BASP1: variants seen among roughly 807,000 people sequenced by gnomAD.
The protein encoded by BASP1 is brain acid soluble protein 1.
BASP1 carries 1 observed loss-of-function variant against 2.2 expected under a neutral mutation model. The observed-to-expected ratio is 0.46, with a 90% confidence interval of 0.16 to 2.17. The LOEUF (loss-of-function observed/expected upper bound fraction) is 2.17, where lower values mean the gene tolerates loss of function less well. Ranked by LOEUF, BASP1 falls within the 30% of genes most tolerant of loss-of-function variation. The pLI is 0.27. For synonymous variants in BASP1, 187 were observed against 154.2 expected, an observed-to-expected ratio of 1.21 and a Z score of -1.58; for missense variants, 352 against 327.2, an observed-to-expected ratio of 1.08 and a Z score of -0.58.
At chr5:17,267,660 A>G (rs549681914) in intron 1 of BASP1, among the ~76,000 whole-genome samples, 1 of 151,848 alleles carries the variant, frequency 6.6e-6, no homozygotes, top group Non-Finnish European at 1.5e-5. Context: ...CTGGGACTAT[A>G]GACGCACGCC....
At chr5:17,247,414 C>G (rs1224428569) in intron 1 of BASP1, among the ~76,000 whole-genome samples, 1 of 152,164 alleles carries the variant, frequency 6.6e-6, no homozygotes, top group East Asian at 1.9e-4. Flanking sequence ...AGGTCAACAA[C>G]TATGTTACTG....
chr5:17,259,776 CTT>C (rs907860022), intron 1 of BASP1, among the ~76,000 whole-genome samples: 3 of 152,206 alleles, frequency 2.0e-5, no homozygotes, highest in African/African-American at 7.2e-5. Flanking sequence ...ACCAGCCTGT[CTT>C]TGTCAGGTGG....
intron 1 of BASP1, among the ~76,000 whole-genome samples, chr5:17,238,497 G>A (rs1373600075): frequency 1.3e-5 from 2 of 152,140 alleles, no homozygotes; most frequent in Non-Finnish European, 2.9e-5. Context: ...CTTTAGTATT[G>A]TGTGTCTAGC....
At chr5:17,244,095 G>A (rs1349268322) in intron 1 of BASP1, among the ~76,000 whole-genome samples, 1 of 152,148 alleles carries the variant, frequency 6.6e-6, no homozygotes, top group African/African-American at 2.4e-5. Flanking sequence ...TTCTATACAT[G>A]AACATATTTC....
Position 17,236,637 on chromosome 5 carries a change from T to C in BASP1, c.-10+18827T>C, listed in dbSNP as rs980965552. On this transcript the variant is annotated intron_variant, in intron 1 of 1. Coordinates refer to ENST00000322611, the MANE Select transcript of BASP1 (RefSeq NM_006317.5). This position sits in a 1 kb window ranked among gnomAD's most constrained non-coding sequence, Gnocchi z 4.0. ...CTCTCCTGTGTAGTTAGATGGCTACTGAATATATCCTGAGAGCAGGTCCTA... is the reference window on the plus strand; with the variant it reads ...CTCTCCTGTGTAGTTAGATGGCTACCGAATATATCCTGAGAGCAGGTCCTA... Among the ~76,000 whole-genome samples, 1 of 152,198 alleles carries C rather than the reference T, an allele frequency of 6.6e-6. No individual in the cohort carries two copies. Among genetic ancestry groups the C allele is most frequent in the African/African-American group, 2.4e-5 (1 of 41,450 alleles).
At chr5:17,264,948 T>C (rs1237761651) in intron 1 of BASP1, among the ~76,000 whole-genome samples, 4 of 152,172 alleles carry the variant, frequency 2.6e-5, no homozygotes, top group Non-Finnish European at 1.5e-5. Flanking sequence ...AAAGAAGATA[T>C]AAATAGGAAT....
At chr5:17,240,935 G>A (rs1463762840) in intron 1 of BASP1, among the ~76,000 whole-genome samples, 1 of 152,116 alleles carries the variant, frequency 6.6e-6, no homozygotes, top group African/African-American at 2.4e-5. Context: ...GGCAAAACTA[G>A]GCAAAGATTT....
At chr5:17,266,838 AAT>A (rs1740424682) in intron 1 of BASP1, among the ~76,000 whole-genome samples, 2 of 147,038 alleles carry the variant, frequency 1.4e-5, no homozygotes, top group African/African-American at 5.0e-5. Context: ...AAAAAAAAAA[AAT>A]CTGACCTGGA....
At chr5:17,226,946 C>T (rs11740317) in intron 1 of BASP1, among the ~76,000 whole-genome samples, 101 of 142,884 alleles carry the variant, frequency 7.1e-4, no homozygotes, top group East Asian at 1.1e-3. Flanking sequence ...TTTTTTTTTT[C>T]TTTTTTTCGT....
chr5:17,268,320 C>T (rs1740460256), intron 1 of BASP1, among the ~76,000 whole-genome samples: 1 of 152,156 alleles, frequency 6.6e-6, no homozygotes, highest in African/African-American at 2.4e-5. Flanking sequence ...TTGCTATCTA[C>T]TCTTCCACCT....
chr5:17,243,490 A>G (rs1192159326), intron 1 of BASP1, among the ~76,000 whole-genome samples: 3 of 152,110 alleles, frequency 2.0e-5, no homozygotes, highest in African/African-American at 7.2e-5. Flanking sequence ...CCGGTGTCTA[A>G]CTTGACACTA....
At chr5:17,241,274 G>A (rs889624165) in intron 1 of BASP1, among the ~76,000 whole-genome samples, 16 of 151,824 alleles carry the variant, frequency 1.1e-4, no homozygotes, top group African/African-American at 3.4e-4. Context: ...TAATTTTTGT[G>A]TTTTTAGTAG....
At chr5:17,240,691 A>G (rs985357641) in intron 1 of BASP1, 24 of 152,224 alleles carry the variant, frequency 1.6e-4, no homozygotes, top group African/African-American at 5.5e-4. Context: ...TGACAGTGCA[A>G]ATTTGTGAAG....
At position 17,275,570 on chromosome 5, in the gene BASP1, G is replaced by T; in HGVS notation, c.354G>T (p.Glu118Asp). ...QAAPGPAAGG[E>D]APKAAEAAAA... The stretch of plus-strand genomic sequence containing the variant: ...CCCCCGGCCCCGCTGCGGGCGGCGA[G>T]GCCCCCAAAGCTGCTGAGGCCGCCG... The change falls in exon 2 of 2, where the codon GAG becomes GAT. Residue 118 changes from glutamate to aspartate, a missense_variant. By Grantham distance (45) the Glu-to-Asp change is conservative. Transcript: ENST00000322611. The surrounding 1 kb of genome is among the most constrained non-coding windows in gnomAD (Gnocchi z 5.3). 7.2e-7 allele frequency: 1 copy of T among 1,396,342 alleles called. No individual in the cohort carries two copies. Among genetic ancestry groups the T allele is most frequent in the Non-Finnish European group, 9.3e-7 (1 of 1,079,856 alleles). The allele number at this position is 1,396,342 out of a possible 1,614,324, so 86.5% of individuals were successfully genotyped here.
chr5:17,263,765 T>A (rs1380896149), intron 1 of BASP1, among the ~76,000 whole-genome samples: 1 of 152,216 alleles, frequency 6.6e-6, no homozygotes, highest in Non-Finnish European at 1.5e-5. Context: ...TTTATCATAC[T>A]TTTTTACAGT....
intron 1 of BASP1, among the ~76,000 whole-genome samples, chr5:17,272,191 A>G (rs761221059): frequency 9.9e-5 from 15 of 152,186 alleles, no homozygotes; most frequent in East Asian, 1.9e-4. Flanking sequence ...TGAGAGGCAG[A>G]GGATACTCAA....
In BASP1 at chr5:17,275,366, G is replaced by C; in HGVS notation, c.150G>C (p.Glu50Asp). 4 of 1,599,904 alleles carry C rather than the reference G, an allele frequency of 2.5e-6. No homozygotes were observed. Among genetic ancestry groups the C allele is most frequent in the Admixed American group, 1.8e-5 (1 of 56,832 alleles). The stretch of plus-strand genomic sequence containing the variant: ...CCCAGGCGGCCGCAGAGCCCGCCGA[G>C]GCCAAGGAGGGCAAGGAGAAGCCCG... ...SEPQAAAEPA[E>D]AKEGKEKPDQ... Residue 50 changes from glutamate (E) to aspartate (D), a missense_variant, in exon 2 of 2, where the codon GAG becomes GAC. Transcript: ENST00000322611. This position sits in a 1 kb window ranked among gnomAD's most constrained non-coding sequence, Gnocchi z 5.3.
At chr5:17,231,826 G>C (rs1479311063) in intron 1 of BASP1, among the ~76,000 whole-genome samples, 1 of 152,160 alleles carries the variant, frequency 6.6e-6, no homozygotes, top group African/African-American at 2.4e-5. Flanking sequence ...CCATAACAGT[G>C]CCCTATAACA....
intron 1 of BASP1, among the ~76,000 whole-genome samples, chr5:17,266,068 C>T (rs927922198): frequency 6.6e-6 from 1 of 152,206 alleles, no homozygotes; most frequent in African/African-American, 2.4e-5. Flanking sequence ...GGTAGCACCA[C>T]AGAGCAAGGG....
Sources: gnomAD v4.1 joint callset for allele counts (sites outside exome capture counted in the v4.1 genomes callset) on GRCh38, gnomAD v4.1.1 for gene constraint, Gnocchi (gnomAD v3.1) non-coding constraint, MANE v1.5 for transcripts, NCBI Gene and HGNC (gene_info 2026-07-23, HGNC 2026-07-21) for gene names.